NIPBL: variants seen among roughly 807,000 people sequenced by gnomAD.
NIPBL encodes the protein nipped-B-like protein.
A neutral mutation model predicts 321.8 loss-of-function variants in NIPBL; 19 were observed. The observed-to-expected ratio is 0.06, with a 90% confidence interval of 0.04 to 0.09. The LOEUF (loss-of-function observed/expected upper bound fraction) is 0.09, where lower values mean the gene tolerates loss of function less well. NIPBL is among the 10% of genes least tolerant of loss of function. The pLI, the probability that NIPBL is intolerant of heterozygous loss-of-function variation, is 1.00. For missense variants in NIPBL, 2,210 were observed against 3,327.0 expected, an observed-to-expected ratio of 0.66 and a Z score of 8.26; for synonymous variants, 1,106 against 1,114.1, an observed-to-expected ratio of 0.99 and a Z score of 0.14.
At chr5:37,033,569 A>AC (rs1751313915) in intron 32 of NIPBL, among the ~76,000 whole-genome samples, 1 of 150,070 alleles carries the variant, frequency 6.7e-6, no homozygotes, top group Non-Finnish European at 1.5e-5. Context: ...TTAAAAAAAA[A>AC]AGATTCCTAC....
chr5:37,016,751 A>G (rs941712696), intron 23 of NIPBL, among the ~76,000 whole-genome samples: 2 of 152,070 alleles, frequency 1.3e-5, no homozygotes, highest in African/African-American at 4.8e-5. Flanking sequence ...GTAATACCAC[A>G]TTTTGTGCAA....
intron 1 of NIPBL, among the ~76,000 whole-genome samples, chr5:36,878,132 C>CTTTTT (rs956594315): frequency 6.6e-6 from 1 of 152,112 alleles, no homozygotes; most frequent in Non-Finnish European, 1.5e-5. Flanking sequence ...CTTTTCTTTT[C>CTTTTT]TTTTTCCAAA....
chr5:36,972,116 C>T, intron 8 of NIPBL, 75 bp downstream of exon 8: 1 of 950,850 alleles, frequency 1.1e-6, no homozygotes, highest in Non-Finnish European at 1.6e-6. Flanking sequence ...CTTCCTAAAG[C>T]AGATATTAAA....
intron 8 of NIPBL, among the ~76,000 whole-genome samples, chr5:36,974,505 C>A (rs1344459339): frequency 1.3e-5 from 2 of 152,072 alleles, no homozygotes; most frequent in Non-Finnish European, 2.9e-5. Flanking sequence ...TAACCTTGGG[C>A]AAATTTCTTA....
In NIPBL at chr5:36,984,963, A is replaced by T. The variant is rs751966925; in HGVS notation, c.1783A>T (p.Asn595Tyr). The T allele has an allele frequency of 5.6e-6, 9 of 1,613,900 alleles. No individual in the cohort carries two copies. In the Admixed American group the frequency reaches 1.0e-4, roughly 18 times the overall value. ...TGGAAGTCTTAAATCTACACCAGAA[A>T]ACCATCCTGAGACACCTAAAAAAAA... ...IVGSLKSTPE[N>Y]HPETPKKKSD... The change falls in exon 10 of 47, where the codon AAC becomes TAC. Residue 595 changes from asparagine to tyrosine, a missense_variant. Transcript: ENST00000282516.
chr5:37,059,142 G>A lies in NIPBL; in HGVS notation c.7662G>A (p.Lys2554=). Residue 2554 remains lysine (K), a synonymous_variant, in exon 44 of 47, where the codon AAG becomes AAA. Coordinates refer to ENST00000282516, the MANE Select transcript of NIPBL (RefSeq NM_133433.4). ...TTCTCATGTTAAAACAACATTTGAA[G>A]AATCTTTGTGGATTTTCTGATAGGT... ...LLLLMLKQHL[K]NLCGFSDSKI... 1 of 1,614,140 alleles carries A rather than the reference G, an allele frequency of 6.2e-7. No homozygotes were observed. The highest frequency in any genetic ancestry group is 1.1e-5 in the South Asian group (1 of 91,070).
intron 18 of NIPBL, among the ~76,000 whole-genome samples, 154 bp downstream of exon 18, chr5:37,007,628 G>A (rs971831809): frequency 7.9e-5 from 12 of 152,032 alleles, no homozygotes; most frequent in Admixed American, 4.6e-4. Context: ...TAAAACTTCA[G>A]GAGTTTTAAA....
chr5:36,963,729 C>T (rs889982695), intron 6 of NIPBL, among the ~76,000 whole-genome samples: 3 of 152,002 alleles, frequency 2.0e-5, no homozygotes, highest in Non-Finnish European at 2.9e-5. Context: ...GTCAAGACTG[C>T]AGTGAGTCAT....
At chr5:36,952,045 T>TGC (rs1458229858) in intron 1 of NIPBL, among the ~76,000 whole-genome samples, 4 of 116,276 alleles carry the variant, frequency 3.4e-5, no homozygotes, top group East Asian at 2.5e-4. Flanking sequence ...TGTGTGTGTG[T>TGC]GTGTGTGTGC....
At chr5:36,931,098 A>G (rs531988) in intron 1 of NIPBL, among the ~76,000 whole-genome samples, 5,225 of 152,146 alleles carry the variant, frequency 0.034, 296 homozygotes, top group African/African-American at 0.12. Context: ...TCTTTCTTAT[A>G]TATTTCATAA....
chr5:36,925,814 A>G (rs561317040), intron 1 of NIPBL, among the ~76,000 whole-genome samples: 2 of 152,254 alleles, frequency 1.3e-5, no homozygotes, highest in South Asian at 4.2e-4. Flanking sequence ...TCATTTGCCT[A>G]TATTCTACTC....
At chr5:37,033,726 A>ATTT (rs1299371311) in intron 32 of NIPBL, among the ~76,000 whole-genome samples, 10 of 79,046 alleles carry the variant, frequency 1.3e-4, no homozygotes, top group East Asian at 3.4e-4. Context: ...ATATATATAT[A>ATTT]TATATTTTTT....
intron 43 of NIPBL, 89 bp downstream of exon 43, chr5:37,057,421 C>T (rs1754214399): frequency 7.9e-7 from 1 of 1,268,096 alleles, no homozygotes; most frequent in Admixed American, 1.7e-5. Context: ...TTCTTTTTAT[C>T]CTCTTCACGA....
At chr5:36,926,303 G>A (rs1422130143) in intron 1 of NIPBL, among the ~76,000 whole-genome samples, 1 of 152,182 alleles carries the variant, frequency 6.6e-6, no homozygotes, top group African/African-American at 2.4e-5. Flanking sequence ...GATTTTGTGG[G>A]TCAGGAATTT....
chr5:37,006,735 T>G (rs1349832102), intron 17 of NIPBL, 147 bp downstream of exon 17: 1 of 594,650 alleles, frequency 1.7e-6, no homozygotes, highest in African/African-American at 1.9e-5. Flanking sequence ...AATATAGTAC[T>G]TGTTCAATTA....
At chr5:37,001,176 A>C (rs1746752746) in intron 14 of NIPBL, 98 bp downstream of exon 14, 2 of 805,398 alleles carry the variant, frequency 2.5e-6, no homozygotes, top group Non-Finnish European at 4.3e-6. Flanking sequence ...CTACCTTGAA[A>C]TCATATACTG....
intron 1 of NIPBL, among the ~76,000 whole-genome samples, chr5:36,942,545 G>A (rs577910700): frequency 1.3e-5 from 2 of 150,660 alleles, no homozygotes; most frequent in African/African-American, 4.9e-5. Flanking sequence ...TTCGAGACCA[G>A]TCTGGCCAAG....
chr5:37,028,454 C>A (rs1158637472), intron 32 of NIPBL, among the ~76,000 whole-genome samples: 1 of 150,572 alleles, frequency 6.6e-6, no homozygotes, highest in Non-Finnish European at 1.5e-5. Context: ...GTTTCTCCTA[C>A]CTCAGCCTCC....
intron 45 of NIPBL, among the ~76,000 whole-genome samples, chr5:37,061,286 G>C (rs1286445964): frequency 2.0e-5 from 3 of 152,190 alleles, no homozygotes; most frequent in Non-Finnish European, 2.9e-5. Flanking sequence ...AGGAAAACCT[G>C]TGTGTGTTTT....
Sources: gnomAD v4.1 joint callset for allele counts (sites outside exome capture counted in the v4.1 genomes callset) on GRCh38, gnomAD v4.1.1 for gene constraint, MANE v1.5 for transcripts, NCBI Gene and HGNC (gene_info 2026-07-23, HGNC 2026-07-21) for gene names.